Variants in TENM4 observed in about 807,000 individuals in gnomAD.
TENM4 encodes the protein teneurin-4.
TENM4 carries 82 observed loss-of-function variants against 243.3 expected under a neutral mutation model. That is an observed-to-expected ratio of 0.34 (90% CI 0.28 to 0.40). The LOEUF (loss-of-function observed/expected upper bound fraction) is 0.40, where lower values mean the gene tolerates loss of function less well. Among genes scored for constraint, TENM4 ranks in the 10% least tolerant of loss-of-function variants. TENM4 has a pLI of 1.00. For synonymous variants in TENM4, 1,412 were observed against 1,456.3 expected, an observed-to-expected ratio of 0.97 and a Z score of 0.69; for missense variants, 3,138 against 3,673.3, an observed-to-expected ratio of 0.85 and a Z score of 3.77.
At chr11:78,818,066 G>C (rs1857646791) in intron 12 of TENM4, among the ~76,000 whole-genome samples, 1 of 152,100 alleles carries the variant, frequency 6.6e-6, no homozygotes, top group African/African-American at 2.4e-5. Flanking sequence ...TTATGTATTT[G>C]CCCTGGTATT....
intron 1 of TENM4, among the ~76,000 whole-genome samples, chr11:79,366,689 GTC>G (rs1396574113): frequency 3.9e-5 from 6 of 152,226 alleles, no homozygotes; most frequent in Non-Finnish European, 7.3e-5. Context: ...CAACTTCCCT[GTC>G]TCTGCCATAT....
intron 12 of TENM4, among the ~76,000 whole-genome samples, chr11:78,848,753 C>G (rs778414766): frequency 6.6e-5 from 10 of 152,232 alleles, no homozygotes; most frequent in Middle Eastern, 3.4e-3. Flanking sequence ...TTGCCAGAAA[C>G]CATGTCATAC....
chr11:78,848,014 A>G (rs1040953702), intron 12 of TENM4, among the ~76,000 whole-genome samples: 1 of 152,224 alleles, frequency 6.6e-6, no homozygotes, highest in Non-Finnish European at 1.5e-5. Flanking sequence ...TGACTCTTGG[A>G]AGATAGGAAC....
intron 6 of TENM4, among the ~76,000 whole-genome samples, chr11:78,939,226 A>T (rs561898688): frequency 4.6e-5 from 7 of 152,338 alleles, no homozygotes; most frequent in African/African-American, 1.4e-4. Context: ...CTCTCTCCAC[A>T]TACGGCTGAG....
intron 3 of TENM4, among the ~76,000 whole-genome samples, chr11:79,194,430 C>T (rs1863579547): frequency 6.6e-6 from 1 of 151,994 alleles, no homozygotes; most frequent in Non-Finnish European, 1.5e-5. Flanking sequence ...AAGTTTGGAA[C>T]CTCATGGAGA....
At chr11:79,336,251 C>T (rs143661506) in intron 1 of TENM4, among the ~76,000 whole-genome samples, 59 of 152,294 alleles carry the variant, frequency 3.9e-4, no homozygotes, top group East Asian at 1.7e-3. Context: ...TCAGGGCATC[C>T]GATTCCACAT....
At chr11:79,151,464 T>C (rs1025739047) in intron 3 of TENM4, among the ~76,000 whole-genome samples, 4 of 152,124 alleles carry the variant, frequency 2.6e-5, no homozygotes, top group African/African-American at 9.7e-5. Flanking sequence ...GAAAAAATAA[T>C]CATACTATGG....
chr11:78,764,568 C>G (rs1856501072), intron 18 of TENM4, among the ~76,000 whole-genome samples: 1 of 152,258 alleles, frequency 6.6e-6, no homozygotes, highest in Admixed American at 6.5e-5. Context: ...ACAGCTCCAT[C>G]AGCTTGACAG....
intron 1 of TENM4, among the ~76,000 whole-genome samples, chr11:79,317,236 C>T (rs1392642722): frequency 1.3e-5 from 2 of 152,226 alleles, no homozygotes; most frequent in African/African-American, 4.8e-5. Flanking sequence ...GAAGACACAA[C>T]TCCATGTATC....
At chr11:78,971,926 T>A (rs1416090576) in intron 6 of TENM4, among the ~76,000 whole-genome samples, 1 of 152,110 alleles carries the variant, frequency 6.6e-6, no homozygotes, top group African/African-American at 2.4e-5. Flanking sequence ...ACGTGGGAAA[T>A]AGGATATAAA....
intron 6 of TENM4, among the ~76,000 whole-genome samples, chr11:78,946,829 T>C (rs1449277758): frequency 2.0e-5 from 3 of 152,092 alleles, no homozygotes; most frequent in East Asian, 3.9e-4. Flanking sequence ...GCAAGAAAAA[T>C]AGAAGTGGAG....
chr11:79,427,621 G>C (rs1859082566), intron 1 of TENM4, among the ~76,000 whole-genome samples: 1 of 151,984 alleles, frequency 6.6e-6, no homozygotes, highest in African/African-American at 2.4e-5. Flanking sequence ...CAAGATTATG[G>C]GTTCTTTTTC....
At chr11:78,972,503 G>A (rs1432658982) in intron 6 of TENM4, among the ~76,000 whole-genome samples, 2 of 152,176 alleles carry the variant, frequency 1.3e-5, no homozygotes, top group Non-Finnish European at 2.9e-5. Context: ...GTCAGGAACA[G>A]ACCTCTGTTT....
intron 4 of TENM4, among the ~76,000 whole-genome samples, chr11:79,114,182 C>G (rs924289232): frequency 6.6e-6 from 1 of 152,184 alleles, no homozygotes; most frequent in African/African-American, 2.4e-5. Flanking sequence ...TTTTAAAGCC[C>G]CTCCCTCCTC....
intron 16 of TENM4, among the ~76,000 whole-genome samples, chr11:78,780,253 TCTTGG>T (rs1331937291): frequency 2.0e-5 from 3 of 152,230 alleles, no homozygotes; most frequent in African/African-American, 4.8e-5. Flanking sequence ...CTTTCTTGAT[TCTTGG>T]CTTATCTGTC....
chr11:78,891,305 A>G lies in TENM4; in HGVS notation c.781T>C (p.Leu261=), dbSNP rs1373064073. The G allele has an allele frequency of 1.9e-6, 3 of 1,551,700 alleles. No individual in the cohort carries two copies. The highest frequency in any genetic ancestry group is 2.0e-5 in the Admixed American group (1 of 51,010). ...NLGKQPFLGT[L]QDNLIEMDIL... ...TCCATCTCAATGAGGTTGTCCTGCAATGTCCCTAGGAATGGCTGCTTGCCT... is the reference window on the plus strand; with the variant it reads ...TCCATCTCAATGAGGTTGTCCTGCAGTGTCCCTAGGAATGGCTGCTTGCCT... Residue 261 remains leucine (L), a synonymous_variant, in exon 8 of 34, where the codon TTG becomes CTG. Transcript: ENST00000278550.
intron 27 of TENM4, among the ~76,000 whole-genome samples, chr11:78,707,768 C>T (rs1397809196): frequency 6.6e-6 from 1 of 152,140 alleles, no homozygotes; most frequent in South Asian, 2.1e-4. Flanking sequence ...TGCTAGGAGT[C>T]GTGGATGCAT....
At chr11:79,000,095 C>T (rs951169381) in intron 6 of TENM4, among the ~76,000 whole-genome samples, 1 of 152,078 alleles carries the variant, frequency 6.6e-6, no homozygotes, top group African/African-American at 2.4e-5. Flanking sequence ...CAATGGAGGG[C>T]ATATCAGAGC....
At chr11:79,315,292 T>A (rs1166111055) in intron 1 of TENM4, among the ~76,000 whole-genome samples, 1 of 152,174 alleles carries the variant, frequency 6.6e-6, no homozygotes, top group Non-Finnish European at 1.5e-5. Flanking sequence ...ACCTGTCCCC[T>A]ACTCCTCAGC....
Sources: allele counts gnomAD v4.1 joint callset (sites outside exome capture counted in the v4.1 genomes callset), GRCh38; gene constraint gnomAD v4.1.1; transcripts MANE v1.5; gene names NCBI Gene and HGNC (gene_info 2026-07-23, HGNC 2026-07-21).